Variants in DPP9 observed in about 807,000 individuals in gnomAD.
DPP9 encodes the protein dipeptidyl peptidase IV-related protein-2.
Under a neutral mutation model 110.7 loss-of-function variants are expected in DPP9, and 50 were observed. That is an observed-to-expected ratio of 0.45 (90% CI 0.36 to 0.57). DPP9 has a LOEUF of 0.57. Among genes scored for constraint, DPP9 ranks in the 20% least tolerant of loss-of-function variants. The pLI is 0.00. For missense variants in DPP9, 1,022 were observed against 1,217.9 expected (o/e 0.84, Z 2.39); for synonymous variants, 561 against 514.4 (o/e 1.09, Z -1.23).
rs1034382541 is a variant in DPP9, at chr19:4,689,742, C to T, written c.1597-20G>A. 3.9e-6 allele frequency: 6 copies of T among 1,536,790 alleles called. No individual in the cohort carries two copies. In the Middle Eastern group the frequency reaches 5.1e-4, roughly 130 times the overall value. On this transcript the variant is annotated intron_variant, in intron 14 of 21. Coordinates refer to ENST00000262960, the MANE Select transcript of DPP9 (RefSeq NM_139159.5). The surrounding 1 kb of genome is among the most constrained non-coding windows in gnomAD (Gnocchi z 7.0). ...CCAGATCTGCAGGGGGACAGGGGAT[C>T]CTCGTGATGCGTCCCAGATGCCCCT...
At position 4,685,448 on chromosome 19, in the gene DPP9, G is replaced by A; in HGVS notation, c.2031+178C>T. The A allele has an allele frequency of 1.4e-6, 1 of 697,426 alleles. No homozygotes were observed. Among genetic ancestry groups the A allele is most frequent in the Non-Finnish European group, 2.5e-6 (1 of 395,696 alleles). The allele number at this position is 697,426 out of a possible 1,614,324, so 43.2% of individuals were successfully genotyped here. A position where few individuals can be genotyped will look rare whatever the true frequency, so the allele number is the denominator to read the frequency against. On this transcript the variant is annotated intron_variant, in intron 17 of 21. Coordinates refer to ENST00000262960, the MANE Select transcript of DPP9 (RefSeq NM_139159.5). The surrounding 1 kb of genome is among the most constrained non-coding windows in gnomAD (Gnocchi z 5.8). ...AGCGTGCAAACGGGCACAGAGAAAG[G>A]AGGGTGAGGGGCCCCGAGGACCCTG...
In DPP9 at chr19:4,714,106, G is replaced by A; in HGVS notation, c.288C>T (p.Pro96=). ...CCAGGTAGTAGAGGCGGTGGGAGTGGGGCCCAGACTCATCCGTCTTCTGCA... is the reference window on the plus strand; with the variant it reads ...CCAGGTAGTAGAGGCGGTGGGAGTGAGGCCCAGACTCATCCGTCTTCTGCA... ...QFVQKTDESG[P]HSHRLYYLGM... Residue 96 remains proline (P), a synonymous_variant, in exon 4 of 22, where the codon CCC becomes CCT. Transcript: ENST00000262960. 1 of 1,612,310 alleles carries A rather than the reference G, an allele frequency of 6.2e-7. No individual in the cohort carries two copies. The highest frequency in any genetic ancestry group is 1.3e-5 in the African/African-American group (1 of 74,998).
In DPP9 at chr19:4,684,691, C is replaced by T. The variant is rs376288275; in HGVS notation, c.2150G>A (p.Arg717Gln). The T allele has an allele frequency of 3.2e-5, 52 of 1,612,576 alleles. No homozygotes were observed. Among genetic ancestry groups the T allele is most frequent in the African/African-American group, 1.2e-4 (9 of 74,886 alleles). Reference protein sequence around the residue: ...DGRGSCQRGLRFEGALKNQMG... With the variant: ...DGRGSCQRGLQFEGALKNQMG... ...TTGGTTTTTCAGGGCCCCTTCGAAC[C>T]GAAGCCCTCGCTGACAGGAGCCCCT... is the stretch of plus-strand genomic sequence containing the variant. Residue 717 changes from arginine (R) to glutamine (Q), a missense_variant, in exon 18 of 22, where the codon CGG becomes CAG. Transcript: ENST00000262960. This position sits in a 1 kb window ranked among gnomAD's most constrained non-coding sequence, Gnocchi z 4.8.
chr19:4,686,191 C>T lies in DPP9; in HGVS notation c.1886-420G>A, dbSNP rs1028131934. 5.3e-5 allele frequency among the ~76,000 whole-genome samples: 8 copies of T among 151,744 alleles called. No individual in the cohort carries two copies. The East Asian group carries it at 1.4e-3, about 26-fold the overall frequency. On this transcript the variant is annotated intron_variant, in intron 16 of 21. Transcript: ENST00000262960. ...CAACCTCCGCCTTCCTGGGTTCAAG[C>T]GATTATCCTGCCTCAGCCTCCTGAG...
In DPP9 at chr19:4,682,091, G is replaced by C. The variant is rs577645879; in HGVS notation, c.2474+605C>G. ...TCTCAATCTCCTGACCTCACGATCC[G>C]CCCGCCTCAGCCTCCCAGAGTGCTG... On this transcript the variant is annotated intron_variant, in intron 20 of 21. Coordinates refer to ENST00000262960, the MANE Select transcript of DPP9 (RefSeq NM_139159.5). The surrounding 1 kb of genome is among the most constrained non-coding windows in gnomAD (Gnocchi z 7.1). 2.0e-5 allele frequency among the ~76,000 whole-genome samples: 3 copies of C among 151,734 alleles called. No homozygotes were observed. The South Asian group carries it at 6.2e-4, about 32-fold the overall frequency.
intron 7 of DPP9, among the ~76,000 whole-genome samples, chr19:4,703,470 C>CAA (rs11451501): frequency 0.032 from 4,105 of 128,418 alleles, 240 homozygotes; most frequent in African/African-American, 0.11. Context: ...ACTAAAAATA[C>CAA]AAAAAAAAAA....
At chr19:4,711,466 C>T (rs1257200387) in intron 4 of DPP9, among the ~76,000 whole-genome samples, 1 of 151,966 alleles carries the variant, frequency 6.6e-6, no homozygotes, top group Non-Finnish European at 1.5e-5. Flanking sequence ...CAGATGGCAT[C>T]ATGAGTCCTT....
rs28432069 is a variant in DPP9, at chr19:4,689,648, G to A, written c.1671C>T (p.Tyr557=). ...TKDTPLEHHL[Y]VVSYEAAGEI... is the part of the protein sequence containing the mutation. ...CGCCGGCCGCCTCATAGCTGACCAC[G>A]TAGAGGTGGTGCTCCAGCGGCGTGT... The change falls in exon 15 of 22, where the codon TAC becomes TAT. Residue 557 remains tyrosine, a synonymous_variant. Coordinates refer to ENST00000262960, the MANE Select transcript of DPP9 (RefSeq NM_139159.5). The surrounding 1 kb of genome is among the most constrained non-coding windows in gnomAD (Gnocchi z 7.0). The A allele has an allele frequency of 8.3e-3, 12,949 of 1,567,174 alleles. 954 individuals carry two copies. The African/African-American group carries it at 0.15, about 19-fold the overall frequency.
chr19:4,691,319 A>G (rs572837354), intron 13 of DPP9, among the ~76,000 whole-genome samples: 2 of 152,116 alleles, frequency 1.3e-5, no homozygotes, highest in South Asian at 2.1e-4. Context: ...CCAAAAAAAA[A>G]AGAAAAATTA....
chr19:4,684,518 C>T lies in DPP9; in HGVS notation c.2178+145G>A, dbSNP rs909406487. 5.9e-6 allele frequency: 5 copies of T among 854,492 alleles called. No individual in the cohort carries two copies. Among genetic ancestry groups the T allele is most frequent in the Admixed American group, 5.6e-5 (2 of 35,864 alleles). The allele number at this position is 854,492 out of a possible 1,614,324, so 52.9% of individuals were successfully genotyped here. A position where few individuals can be genotyped will look rare whatever the true frequency, so the allele number is the denominator to read the frequency against. On this transcript the variant is annotated intron_variant, in intron 18 of 21. Coordinates refer to ENST00000262960, the MANE Select transcript of DPP9 (RefSeq NM_139159.5). This position sits in a 1 kb window ranked among gnomAD's most constrained non-coding sequence, Gnocchi z 4.8. ...TACATCCCCTTTTGTTCTAAAAGGG[C>T]GCCTCATTGAGCCTGCGTCACCCCA...
intron 5 of DPP9, among the ~76,000 whole-genome samples, chr19:4,705,255 T>C (rs2092522958): frequency 6.6e-6 from 1 of 152,226 alleles, no homozygotes; most frequent in East Asian, 1.9e-4. Context: ...AGACTGGGAT[T>C]CGCTGTCTCC....
intron 21 of DPP9, chr19:4,679,569 A>G (rs2089495145): frequency 2.0e-6 from 1 of 500,462 alleles, no homozygotes; most frequent in African/African-American, 1.9e-5. Flanking sequence ...TTAGGCCCGG[A>G]GCAGGGGTGG....
chr19:4,706,005 C>G, intron 4 of DPP9, 35 bp from the exon 5 acceptor site: 1 of 1,587,226 alleles, frequency 6.3e-7, no homozygotes, highest in East Asian at 2.3e-5. Context: ...GAACGGGTAC[C>G]CTGGCTCAGG....
chr19:4,681,349 T>C (rs2089846707), intron 20 of DPP9, among the ~76,000 whole-genome samples: 1 of 152,180 alleles, frequency 6.6e-6, no homozygotes, highest in South Asian at 2.1e-4. Flanking sequence ...AGAGTCTCGC[T>C]CTGTTGCCCA....
Position 4,695,099 on chromosome 19 carries a change from T to C in DPP9, c.1354-276A>G, listed in dbSNP as rs2091676088. ...CCAGGAGGTCAAGGCTGCAGTGAGC[T>C]ATGACCACACCACTGCACTCTAGTC... is the stretch of plus-strand genomic sequence containing the variant. On this transcript the variant is annotated intron_variant, in intron 12 of 21. Transcript: ENST00000262960. This position sits in a 1 kb window ranked among gnomAD's most constrained non-coding sequence, Gnocchi z 4.7. The C allele has an allele frequency of 1.7e-6, 1 of 589,602 alleles. No homozygotes were observed. The highest frequency in any genetic ancestry group is 3.0e-6 in the Non-Finnish European group (1 of 334,154). 36.5% of individuals were successfully genotyped at this position (589,602 alleles called of 1,614,324 possible). A position where few individuals can be genotyped will look rare whatever the true frequency, so the allele number is the denominator to read the frequency against.
intron 11 of DPP9, 149 bp downstream of exon 11, chr19:4,697,402 T>C: frequency 1.6e-6 from 1 of 641,004 alleles, no homozygotes; most frequent in Non-Finnish European, 2.7e-6. Flanking sequence ...CTTTGGACAC[T>C]GGTCTGAGGC....
chr19:4,701,322 G>A (rs1405197216), intron 9 of DPP9, among the ~76,000 whole-genome samples: 1 of 152,120 alleles, frequency 6.6e-6, no homozygotes, highest in Admixed American at 6.6e-5. Context: ...TTAAATATTA[G>A]CTGGGCATGG....
chr19:4,706,708 C>T (rs983449872), intron 4 of DPP9, among the ~76,000 whole-genome samples: 1 of 152,152 alleles, frequency 6.6e-6, no homozygotes, highest in Non-Finnish European at 1.5e-5. Flanking sequence ...CCCAGCTACT[C>T]GTCAGGCTGA....
In DPP9 at chr19:4,714,178, C is replaced by T; in HGVS notation, c.216G>A (p.Lys72=). 1 of 1,612,052 alleles carries T rather than the reference C, an allele frequency of 6.2e-7. No homozygotes were observed. Among genetic ancestry groups the T allele is most frequent in the South Asian group, 1.1e-5 (1 of 90,764 alleles). Reference sequence around the variant, plus strand: ...CCTTGTTGACAATGAGGCCCGAGTACTTGCGGCTGCCGTGGATGATGCTCC... The same window carrying T: ...CCTTGTTGACAATGAGGCCCGAGTATTTGCGGCTGCCGTGGATGATGCTCC... The part of the protein sequence containing the change: ...GLRSIIHGSR[K]YSGLIVNKAP... Residue 72 remains lysine, a synonymous_variant, in exon 4 of 22, where the codon AAG becomes AAA. Coordinates refer to ENST00000262960, the MANE Select transcript of DPP9 (RefSeq NM_139159.5).
Sources: allele counts gnomAD v4.1 joint callset (sites outside exome capture counted in the v4.1 genomes callset), GRCh38; gene constraint gnomAD v4.1.1; non-coding constraint Gnocchi (gnomAD v3.1); transcripts MANE v1.5; gene names NCBI Gene and HGNC (gene_info 2026-07-23, HGNC 2026-07-21).